Variants in CD101 observed in about 807,000 individuals in gnomAD.
The protein encoded by CD101 is CD101 molecule, also known as immunoglobulin superfamily member 2.
CD101 carries 76 observed loss-of-function variants against 98.2 expected under a neutral mutation model. The ratio of observed to expected loss-of-function variants is 0.77; its 90% CI spans 0.64 to 0.94. The LOEUF (loss-of-function observed/expected upper bound fraction) is 0.94, where lower values mean the gene tolerates loss of function less well. Ranked by LOEUF, CD101 falls within the 40% of genes least tolerant of loss-of-function variation. CD101 has a pLI of 0.00. For synonymous variants in CD101, 471 were observed against 472.7 expected, an observed-to-expected ratio of 1.00 and a Z score of 0.05; for missense variants, 1,145 against 1,218.8, an observed-to-expected ratio of 0.94 and a Z score of 0.90.
chr1:117,023,408 T>C lies in CD101; in HGVS notation c.2428+1425T>C, dbSNP rs1653698467. 6.6e-6 allele frequency among the ~76,000 whole-genome samples: 1 copy of C among 152,142 alleles called. No homozygotes were observed. Among genetic ancestry groups the C allele is most frequent in the Non-Finnish European group, 1.5e-5 (1 of 68,010 alleles). ...CTCCCAGTTTGAGAATGTCCACAAC[T>C]AATTCACTTCTTCTTTTTCTTTTTT... On this transcript the variant is annotated intron_variant, in intron 7 of 9. Coordinates refer to ENST00000682167, the MANE Select transcript of CD101 (RefSeq NM_001256106.3). The surrounding 1 kb of genome is among the most constrained non-coding windows in gnomAD (Gnocchi z 4.4).
chr1:117,016,947 G>A (rs1570724963), intron 4 of CD101, 143 bp from the exon 5 acceptor site: 1 of 775,072 alleles, frequency 1.3e-6, no homozygotes, highest in East Asian at 2.7e-5. Flanking sequence ...CAAATCTTTT[G>A]CCTGAGGGTG....
intron 4 of CD101, among the ~76,000 whole-genome samples, chr1:117,014,317 G>A (rs544511535): frequency 1.3e-5 from 2 of 151,680 alleles, no homozygotes; most frequent in Admixed American, 6.6e-5. Context: ...AGACCCTGCC[G>A]GCATTTTTCA....
chr1:117,032,842 G>A (rs1338972709), intron 8 of CD101: 3 of 152,376 alleles, frequency 2.0e-5, no homozygotes, highest in African/African-American at 4.8e-5. Context: ...CCACTTTGGG[G>A]CTGCTTGTGC....
At position 117,023,988 on chromosome 1, in the gene CD101, C is replaced by T. The variant is rs1653738719; in HGVS notation, c.2429-1521C>T. Among the ~76,000 whole-genome samples the T allele has an allele frequency of 6.6e-6, 1 of 152,096 alleles. No individual in the cohort carries two copies. Among genetic ancestry groups the T allele is most frequent in the African/African-American group, 2.4e-5 (1 of 41,406 alleles). On this transcript the variant is annotated intron_variant, in intron 7 of 9. Transcript: ENST00000682167. The surrounding 1 kb of genome is among the most constrained non-coding windows in gnomAD (Gnocchi z 4.4). ...GGGTCCCTTGAACTGGGAAATTGGG[C>T]CCTGGCCAAGTAAAGTGATGGGATT...
rs1652904126 is a variant in CD101 at position 117,011,787 on chromosome 1, A to T, written c.662A>T (p.Asp221Val). The change falls in exon 3 of 10, where the codon GAC (aspartate) becomes GTC (valine). Residue 221 changes from aspartate (D) to valine (V), a missense_variant. Physicochemically the swap from Asp to Val is radical, Grantham distance 152 (BLOSUM62 -3). Coordinates refer to ENST00000682167, the MANE Select transcript of CD101 (RefSeq NM_001256106.3). ...PLYTERFAAS[D>V]VQLNKLGPTT... ...TATACAGAGCGGTTTGCAGCCAGTG[A>T]CGTACAGCTCAACAAACTGGGACCC... The T allele has an allele frequency of 6.2e-7, 1 of 1,614,146 alleles. No individual in the cohort carries two copies. The highest frequency in any genetic ancestry group is 8.5e-7 in the Non-Finnish European group (1 of 1,180,016).
At position 117,012,290 on chromosome 1, in the gene CD101, A is replaced by G. The variant is rs1340417934; in HGVS notation, c.841+324A>G. Among the ~76,000 whole-genome samples, 1 of 152,214 alleles carries G rather than the reference A, an allele frequency of 6.6e-6. No homozygotes were observed. Among genetic ancestry groups the G allele is most frequent in the African/African-American group, 2.4e-5 (1 of 41,456 alleles). On this transcript the variant is annotated intron_variant, in intron 3 of 9. Coordinates refer to ENST00000682167, the MANE Select transcript of CD101 (RefSeq NM_001256106.3). The surrounding 1 kb of genome is among the most constrained non-coding windows in gnomAD (Gnocchi z 4.0). ...TACATTATCTAATTTAGTCGTAACC[A>G]CCACCCTATGAGGCAAGTAGTTGAG...
chr1:117,011,465 C>A, intron 2 of CD101, 85 bp from the exon 3 acceptor site: 1 of 1,152,816 alleles, frequency 8.7e-7, no homozygotes, highest in Non-Finnish European at 1.2e-6. Context: ...GTGTGCTTTA[C>A]ATAGGGTAGC....
chr1:117,035,849 G>A (rs772362350), intron 9 of CD101, among the ~76,000 whole-genome samples: 24 of 152,172 alleles, frequency 1.6e-4, no homozygotes, highest in Non-Finnish European at 3.1e-4. Flanking sequence ...ACCACGCCCG[G>A]CAGAAGACTC....
At position 117,005,566 on chromosome 1, in the gene CD101, C is replaced by T. The variant is rs970473271; in HGVS notation, c.43+3706C>T. Among the ~76,000 whole-genome samples, 8 of 152,148 alleles carry T rather than the reference C, an allele frequency of 5.3e-5. No homozygotes were observed. Among genetic ancestry groups the T allele is most frequent in the Non-Finnish European group, 1.2e-4 (8 of 68,028 alleles). On this transcript the variant is annotated intron_variant, in intron 1 of 9. Coordinates refer to ENST00000682167, the MANE Select transcript of CD101 (RefSeq NM_001256106.3). The surrounding 1 kb of genome is among the most constrained non-coding windows in gnomAD (Gnocchi z 4.4). ...ATTTCCAGCCGCTGTGTCCTAGTTG[C>T]CCTCCATCTAACTCTTCCCTCTGTA...
intron 8 of CD101, among the ~76,000 whole-genome samples, chr1:117,029,751 C>G (rs549163869): frequency 1.3e-5 from 2 of 152,216 alleles, no homozygotes; most frequent in Non-Finnish European, 2.9e-5. Flanking sequence ...AGATGGTTTT[C>G]CATGCTCTCT....
intron 1 of CD101, among the ~76,000 whole-genome samples, chr1:117,002,567 G>A (rs773936878): frequency 2.6e-5 from 4 of 152,136 alleles, no homozygotes; most frequent in Non-Finnish European, 5.9e-5. Context: ...TTATGCTACA[G>A]TTTTCATTAA....
chr1:117,014,933 A>AT (rs1195078128), intron 4 of CD101, among the ~76,000 whole-genome samples: 1 of 152,242 alleles, frequency 6.6e-6, no homozygotes, highest in Non-Finnish European at 1.5e-5. Flanking sequence ...GTGAGTTCAC[A>AT]TATTTATGCA....
In CD101 at chr1:117,011,793, A is replaced by C; in HGVS notation, c.668A>C (p.Gln223Pro). The C allele has an allele frequency of 6.2e-7, 1 of 1,614,158 alleles. No homozygotes were observed. The highest frequency in any genetic ancestry group is 8.5e-7 in the Non-Finnish European group (1 of 1,180,020). The stretch of plus-strand genomic sequence containing the variant: ...GAGCGGTTTGCAGCCAGTGACGTAC[A>C]GCTCAACAAACTGGGACCCACTACA... ...YTERFAASDV[Q>P]LNKLGPTTFR... is the part of the protein sequence containing the mutation. The change falls in exon 3 of 10, where the codon CAG becomes CCG. Residue 223 changes from glutamine to proline, a missense_variant. Coordinates refer to ENST00000682167, the MANE Select transcript of CD101 (RefSeq NM_001256106.3).
In CD101 at chr1:117,018,065, T is replaced by C. The variant is rs1653346440; in HGVS notation, c.1613-91T>C. 1.9e-6 allele frequency: 2 copies of C among 1,077,446 alleles called. No homozygotes were observed. The highest frequency in any genetic ancestry group is 2.6e-6 in the Non-Finnish European group (2 of 760,828). 66.7% of individuals were successfully genotyped at this position (1,077,446 alleles called of 1,614,324 possible). A position where few individuals can be genotyped will look rare whatever the true frequency, so the allele number is the denominator to read the frequency against. Reference sequence around the variant, plus strand: ...CTCCAAATGTACAAATGCATGGTCCTAGTCAAAGAGGTGGCAACTAGAAAA... The same window carrying C: ...CTCCAAATGTACAAATGCATGGTCCCAGTCAAAGAGGTGGCAACTAGAAAA... On this transcript the variant is annotated intron_variant, in intron 5 of 9. Transcript: ENST00000682167. The surrounding 1 kb of genome is among the most constrained non-coding windows in gnomAD (Gnocchi z 4.3).
In CD101 at chr1:117,021,619, C is replaced by T. The variant is rs1424083072; in HGVS notation, c.2064C>T (p.Ser688=). The T allele has an allele frequency of 6.2e-7, 1 of 1,603,180 alleles. No individual in the cohort carries two copies. Among genetic ancestry groups the T allele is most frequent in the Non-Finnish European group, 8.5e-7 (1 of 1,176,274 alleles). The change falls in exon 7 of 10, where the codon TCC becomes TCT. Residue 688 remains serine, a synonymous_variant. Transcript: ENST00000682167. This position sits in a 1 kb window ranked among gnomAD's most constrained non-coding sequence, Gnocchi z 4.7. ...VNSRSQVQEL[S]INSNTDIECS... Reference sequence around the variant, plus strand: ...CAAGGAGTCAAGTCCAAGAGCTCTCCATCAACTCCAACACTGATATAGAAT... The same window carrying T: ...CAAGGAGTCAAGTCCAAGAGCTCTCTATCAACTCCAACACTGATATAGAAT...
chr1:117,033,392 C>T lies in CD101; in HGVS notation c.2825-468C>T, dbSNP rs1654585085. On this transcript the variant is annotated intron_variant, in intron 8 of 9. Transcript: ENST00000682167. This position sits in a 1 kb window ranked among gnomAD's most constrained non-coding sequence, Gnocchi z 4.8. ...GTGTGATTGTTTTATAAGGACAGTG[C>T]AGAGTGCAGGGCAGAGTGTGTGTGT... Among the ~76,000 whole-genome samples the T allele has an allele frequency of 6.6e-6, 1 of 151,834 alleles. No individual in the cohort carries two copies. Among genetic ancestry groups the T allele is most frequent in the Non-Finnish European group, 1.5e-5 (1 of 67,942 alleles).
intron 2 of CD101, 117 bp from the exon 3 acceptor site, chr1:117,011,433 G>A (rs1652879182): frequency 6.0e-6 from 5 of 830,982 alleles, no homozygotes; most frequent in Non-Finnish European, 9.6e-6. Context: ...CATATGGCAA[G>A]TGGAAAACCA....
chr1:117,019,382 T>A lies in CD101; in HGVS notation c.2017+822T>A, dbSNP rs534230704. Among the ~76,000 whole-genome samples, 1 of 152,320 alleles carries A rather than the reference T, an allele frequency of 6.6e-6. No homozygotes were observed. Among genetic ancestry groups the A allele is most frequent in the Non-Finnish European group, 1.5e-5 (1 of 68,022 alleles). ...TGGTCACTGTCATTATTCTCTCTGC[T>A]GCTGTGCAACATTTTTGGTAATAGT... On this transcript the variant is annotated intron_variant, in intron 6 of 9. Transcript: ENST00000682167. This position sits in a 1 kb window ranked among gnomAD's most constrained non-coding sequence, Gnocchi z 4.3.
Position 117,033,887 on chromosome 1 carries a change from C to G in CD101, c.2852C>G (p.Ser951Cys). 1.9e-6 allele frequency: 3 copies of G among 1,614,176 alleles called. No homozygotes were observed. The highest frequency in any genetic ancestry group is 2.5e-6 in the Non-Finnish European group (3 of 1,180,018). ...CCCACGCTTCCTTCCAGGATCTGCT[C>G]CTCGGCCCCTTTACTCTATTTCCTG... The part of the protein sequence containing the change: ...SEPTLPSRIC[S>C]SAPLLYFLFI... Residue 951 changes from serine (S) to cysteine (C), a missense_variant, in exon 9 of 10, where the codon TCC (serine) becomes TGC (cysteine). Physicochemically the swap from Ser to Cys is moderately radical, Grantham distance 112. Transcript: ENST00000682167. This position sits in a 1 kb window ranked among gnomAD's most constrained non-coding sequence, Gnocchi z 4.8.
Sources: gnomAD v4.1 joint callset for allele counts (sites outside exome capture counted in the v4.1 genomes callset) on GRCh38, gnomAD v4.1.1 for gene constraint, Gnocchi (gnomAD v3.1) non-coding constraint, MANE v1.5 for transcripts, NCBI Gene and HGNC (gene_info 2026-07-23, HGNC 2026-07-21) for gene names.